The following SMC6 variants were observed in gnomAD, a reference collection of about 807,000 sequenced individuals.
SMC6 encodes structural maintenance of chromosomes 6.
Under a neutral mutation model 142.2 loss-of-function variants are expected in SMC6, and 79 were observed. That is an observed-to-expected ratio of 0.56 (90% CI 0.46 to 0.67). SMC6 has a LOEUF of 0.67. SMC6 is among the 30% of genes least tolerant of loss of function. SMC6 has a pLI of 0.00. For synonymous variants in SMC6, 411 were observed against 412.4 expected, an observed-to-expected ratio of 1.00 and a Z score of 0.04; for missense variants, 1,072 against 1,284.0, an observed-to-expected ratio of 0.83 and a Z score of 2.52.
intron 23 of SMC6, among the ~76,000 whole-genome samples, chr2:17,690,356 G>A (rs1454046751): frequency 6.6e-6 from 1 of 152,206 alleles, no homozygotes; most frequent in Admixed American, 6.5e-5. Flanking sequence ...CACTTTGGGA[G>A]GCTGAGGCAG....
intron 3 of SMC6, among the ~76,000 whole-genome samples, chr2:17,745,591 G>C (rs1670706320): frequency 1.3e-5 from 2 of 151,714 alleles, no homozygotes; most frequent in Admixed American, 1.3e-4. Context: ...TGCATTTCTT[G>C]GTCTTACTAA....
At chr2:17,720,824 C>G in intron 11 of SMC6, 116 bp downstream of exon 11, 1 of 867,064 alleles carries the variant, frequency 1.2e-6, no homozygotes, top group South Asian at 1.8e-5. Context: ...GCAATCAATT[C>G]AAATATAGAC....
intron 23 of SMC6, among the ~76,000 whole-genome samples, chr2:17,694,230 G>C (rs909109201): frequency 3.3e-5 from 5 of 152,082 alleles, no homozygotes; most frequent in Non-Finnish European, 7.4e-5. Context: ...GTAATTAAAA[G>C]AGATTGGTTA....
At chr2:17,702,760 C>T (rs147263190) in intron 19 of SMC6, among the ~76,000 whole-genome samples, 1 of 152,102 alleles carries the variant, frequency 6.6e-6, no homozygotes, top group Non-Finnish European at 1.5e-5. Context: ...AGGCGTTTCC[C>T]CTTTTGCTTG....
At chr2:17,690,578 G>A (rs926252167) in intron 23 of SMC6, among the ~76,000 whole-genome samples, 1 of 151,642 alleles carries the variant, frequency 6.6e-6, no homozygotes, top group African/African-American at 2.4e-5. Flanking sequence ...TGCAGAGGAA[G>A]ACTCCATTTC....
chr2:17,700,456 TGAGA>T, intron 20 of SMC6, 78 bp from the exon 21 acceptor site: 1 of 1,192,834 alleles, frequency 8.4e-7, no homozygotes, highest in Non-Finnish European at 1.1e-6. Context: ...AAAATAATTC[TGAGA>T]GAGGAGAAAC....
chr2:17,693,948 C>T (rs1204984031), intron 23 of SMC6, among the ~76,000 whole-genome samples: 3 of 138,074 alleles, frequency 2.2e-5, no homozygotes, highest in Non-Finnish European at 4.5e-5. Flanking sequence ...TGCAGTGAGC[C>T]GAGATCACGC....
chr2:17,751,297 G>A (rs903918404), intron 2 of SMC6, among the ~76,000 whole-genome samples: 1 of 151,618 alleles, frequency 6.6e-6, no homozygotes, highest in African/African-American at 2.4e-5. Flanking sequence ...CCAGCCCAAC[G>A]TGGTGAAACC....
chr2:17,697,364 T>C (rs1668054577), intron 21 of SMC6, among the ~76,000 whole-genome samples: 1 of 151,952 alleles, frequency 6.6e-6, no homozygotes, highest in Admixed American at 6.6e-5. Context: ...TTTAGAAAGG[T>C]CACTGGATAC....
chr2:17,689,313 G>A (rs887397270), intron 23 of SMC6, among the ~76,000 whole-genome samples: 7 of 152,060 alleles, frequency 4.6e-5, no homozygotes, highest in Non-Finnish European at 8.8e-5. Flanking sequence ...CATGACAAAT[G>A]AAATACACGA....
intron 25 of SMC6, among the ~76,000 whole-genome samples, chr2:17,677,561 G>C (rs1661816170): frequency 6.6e-6 from 1 of 152,040 alleles, no homozygotes; most frequent in Non-Finnish European, 1.5e-5. Flanking sequence ...CTATCCCTTG[G>C]AATTCCAATT....
chr2:17,667,032 T>G (rs1003352572), intron 26 of SMC6, among the ~76,000 whole-genome samples: 1 of 152,210 alleles, frequency 6.6e-6, no homozygotes, highest in Admixed American at 6.5e-5. Flanking sequence ...TAAATATGTC[T>G]TTCAGGTAAT....
chr2:17,707,189 T>C, intron 18 of SMC6, 30 bp downstream of exon 18: 4 of 1,468,346 alleles, frequency 2.7e-6, no homozygotes, highest in Non-Finnish European at 3.6e-6. Context: ...GCAGTGGGAA[T>C]GATACAGTAA....
chr2:17,705,695 T>G (rs938723533), intron 18 of SMC6, among the ~76,000 whole-genome samples: 1 of 152,228 alleles, frequency 6.6e-6, no homozygotes, highest in Non-Finnish European at 1.5e-5. Flanking sequence ...TAGAATAAAT[T>G]TAAGCAATCA....
At chr2:17,714,772 T>G in intron 16 of SMC6, 89 bp downstream of exon 16, 1 of 1,320,896 alleles carries the variant, frequency 7.6e-7, no homozygotes, top group Admixed American at 2.3e-5. Context: ...GTGGTAAAGA[T>G]ATGATTAACA....
chr2:17,678,989 T>C, intron 24 of SMC6, 25 bp from the exon 25 acceptor site: 1 of 1,527,908 alleles, frequency 6.5e-7, no homozygotes, highest in East Asian at 2.3e-5. Flanking sequence ...ATTAGGCACA[T>C]TAAAAAGAGG....
rs1485213664 is a variant in SMC6, at chr2:17,745,849, T to C, written c.98A>G (p.Asp33Gly). 6.2e-7 allele frequency: 1 copy of C among 1,611,636 alleles called. No homozygotes were observed. The highest frequency in any genetic ancestry group is 1.3e-5 in the African/African-American group (1 of 74,858). ...LEDFDKDGDE[D>G]ECKGTTLTAA... is the part of the protein sequence containing the mutation. ...TACCAAAGTAGTACCTTTACATTCG[T>C]CTTCGTCACCATCTTTATCAAAATC... Residue 33 changes from aspartate (D) to glycine (G), a missense_variant, in exon 3 of 28, where the codon GAC becomes GGC. Physicochemically the swap from Asp to Gly is moderately conservative, Grantham distance 94. Transcript: ENST00000448223.
intron 16 of SMC6, among the ~76,000 whole-genome samples, chr2:17,712,508 T>G (rs1421149139): frequency 2.6e-5 from 4 of 152,174 alleles, no homozygotes; most frequent in African/African-American, 9.7e-5. Flanking sequence ...GTAGCTTCTA[T>G]GTCCTTCTGA....
chr2:17,717,119 G>C lies in SMC6; in HGVS notation c.1150C>G (p.Leu384Val). The C allele has an allele frequency of 6.2e-7, 1 of 1,611,764 alleles. No homozygotes were observed. Among genetic ancestry groups the C allele is most frequent in the Non-Finnish European group, 8.5e-7 (1 of 1,179,360 alleles). ...TTCAGCTCTTCAATTCGTTTACAAA[G>C]CTGCTCATCATCTTTCTTTAATGCT... Reference protein sequence around the residue: ...YKALKKDDEQLCKRIEELKKS... With the variant: ...YKALKKDDEQVCKRIEELKKS... Residue 384 changes from leucine (L) to valine (V), a missense_variant, in exon 13 of 28, where the codon CTT (leucine) becomes GTT (valine). Physicochemically the swap from Leu to Val is conservative, Grantham distance 32. This residue lies in a region of SMC6 where 994 missense variants were observed against 1,153.2 expected (regional missense o/e 0.86). Transcript: ENST00000448223.
Sources: allele counts gnomAD v4.1 joint callset (sites outside exome capture counted in the v4.1 genomes callset), GRCh38; gene constraint gnomAD v4.1.1; regional missense constraint gnomAD v4.1.1; transcripts MANE v1.5; gene names NCBI Gene and HGNC (gene_info 2026-07-23, HGNC 2026-07-21).